UVRAG: variants seen among roughly 807,000 people sequenced by gnomAD.
UVRAG encodes the protein UV radiation resistance-associated gene protein.
Under a neutral mutation model 78.0 loss-of-function variants are expected in UVRAG, and 19 were observed. The observed-to-expected ratio is 0.24, with a 90% confidence interval of 0.17 to 0.36. The LOEUF (loss-of-function observed/expected upper bound fraction) is 0.36. Ranked by LOEUF, UVRAG falls within the 10% of genes least tolerant of loss-of-function variation. The pLI, the probability that UVRAG is intolerant of heterozygous loss-of-function variation, is 1.00. For missense variants in UVRAG, 740 were observed against 853.8 expected (o/e 0.87, Z 1.66); for synonymous variants, 323 against 324.6 (o/e 1.00, Z 0.05).
chr11:76,077,539 A>C (rs1226750638), intron 13 of UVRAG, among the ~76,000 whole-genome samples: 1 of 152,230 alleles, frequency 6.6e-6, no homozygotes, highest in Non-Finnish European at 1.5e-5. Context: ...AACAATTGTA[A>C]CTTACATATA....
intron 1 of UVRAG, among the ~76,000 whole-genome samples, chr11:75,837,072 G>A (rs1945793551): frequency 6.6e-6 from 1 of 152,130 alleles, no homozygotes; most frequent in African/African-American, 2.4e-5. Flanking sequence ...GCTCACGCCT[G>A]TAATCCCAGC....
At chr11:76,028,319 C>A (rs1288696662) in intron 12 of UVRAG, among the ~76,000 whole-genome samples, 1 of 152,090 alleles carries the variant, frequency 6.6e-6, no homozygotes, top group African/African-American at 2.4e-5. Context: ...GTCCCTGAGA[C>A]ACAACATTAT....
Position 76,143,989 on chromosome 11 carries a change from C to T in UVRAG, c.*2576C>T, listed in dbSNP as rs552720252. On this transcript the variant is annotated 3_prime_UTR_variant, in exon 15 of 15. Transcript: ENST00000356136. ...TATTTGATTGTGTTTTTTCTCTTCA[C>T]TTCCCCTTAACCACTTTAGAAATTC... Among the ~76,000 whole-genome samples the T allele has an allele frequency of 6.6e-6, 1 of 152,330 alleles. No individual in the cohort carries two copies. The highest frequency in any genetic ancestry group is 1.9e-4 in the East Asian group (1 of 5,194).
chr11:75,931,475 A>G (rs1948239390), intron 6 of UVRAG, among the ~76,000 whole-genome samples: 1 of 152,180 alleles, frequency 6.6e-6, no homozygotes, highest in African/African-American at 2.4e-5. Flanking sequence ...TTTGTTCCCC[A>G]AACAAACTTA....
chr11:76,033,155 A>G (rs188764876), intron 12 of UVRAG, among the ~76,000 whole-genome samples: 2 of 152,304 alleles, frequency 1.3e-5, no homozygotes, highest in African/African-American at 4.8e-5. Flanking sequence ...TAGGAAAGGA[A>G]AAATCATGGC....
intron 3 of UVRAG, among the ~76,000 whole-genome samples, chr11:75,869,475 G>A (rs764619677): frequency 3.4e-4 from 51 of 152,174 alleles, no homozygotes; most frequent in Admixed American, 9.8e-4. Context: ...GTGTGTGTGT[G>A]TAGCTTATGT....
chr11:76,057,630 A>G (rs1488395810), intron 12 of UVRAG, among the ~76,000 whole-genome samples: 1 of 152,266 alleles, frequency 6.6e-6, no homozygotes, highest in East Asian at 1.9e-4. Flanking sequence ...TCACGTGCCT[A>G]TGGCCTGCCT....
chr11:76,064,038 C>G (rs1306787719), intron 12 of UVRAG, among the ~76,000 whole-genome samples: 1 of 152,120 alleles, frequency 6.6e-6, no homozygotes, highest in African/African-American at 2.4e-5. Flanking sequence ...ATTGCCTTAT[C>G]CGAACCATAC....
intron 7 of UVRAG, among the ~76,000 whole-genome samples, chr11:75,963,740 A>C (rs766060060): frequency 5.3e-5 from 8 of 151,970 alleles, no homozygotes; most frequent in Non-Finnish European, 8.8e-5. Flanking sequence ...ACATTACATC[A>C]ATGCCTAATG....
intron 6 of UVRAG, among the ~76,000 whole-genome samples, chr11:75,955,160 G>A (rs971245273): frequency 6.6e-6 from 1 of 152,138 alleles, no homozygotes; most frequent in Admixed American, 6.6e-5. Context: ...CTTTAGAGCT[G>A]TCTTTTTAAG....
At chr11:75,960,640 GCCTGTAGT>G (rs1057070542) in intron 6 of UVRAG, among the ~76,000 whole-genome samples, 20 of 152,182 alleles carry the variant, frequency 1.3e-4, no homozygotes, top group African/African-American at 4.6e-4. Flanking sequence ...GGTGGTGCAT[GCCTGTAGT>G]CCCAGCTATT....
chr11:75,888,787 C>T (rs775270281), intron 4 of UVRAG, 42 bp from the exon 5 acceptor site: 27 of 1,522,644 alleles, frequency 1.8e-5, no homozygotes, highest in Admixed American at 1.8e-5. Context: ...AAAACATGAT[C>T]GGAATAAAAA....
chr11:75,869,170 C>G (rs1946596314), intron 3 of UVRAG, among the ~76,000 whole-genome samples: 1 of 152,202 alleles, frequency 6.6e-6, no homozygotes, highest in African/African-American at 2.4e-5. Context: ...TGCAGCCTCC[C>G]TTATATCCCA....
chr11:75,990,854 A>T (rs139243310), intron 8 of UVRAG, among the ~76,000 whole-genome samples: 1 of 152,210 alleles, frequency 6.6e-6, no homozygotes, highest in Non-Finnish European at 1.5e-5. Context: ...TTAAATACTC[A>T]TATCTTTTAG....
chr11:75,825,066 T>A (rs919398499), intron 1 of UVRAG, among the ~76,000 whole-genome samples: 48 of 152,020 alleles, frequency 3.2e-4, no homozygotes, highest in African/African-American at 1.1e-3. Context: ...GGTTGAAACA[T>A]TTTAGGTTTA....
At chr11:75,960,864 C>T (rs1948895995) in intron 6 of UVRAG, among the ~76,000 whole-genome samples, 1 of 152,112 alleles carries the variant, frequency 6.6e-6, no homozygotes, top group South Asian at 2.1e-4. Flanking sequence ...TTTCATTGTT[C>T]CTTGAAAGAG....
chr11:75,982,454 G>GT (rs113395040), intron 7 of UVRAG, among the ~76,000 whole-genome samples: 19,239 of 152,168 alleles, frequency 0.13, 3,109 homozygotes, highest in African/African-American at 0.38. Context: ...GCACTGGGTA[G>GT]AGTGAAAGTG....
intron 14 of UVRAG, among the ~76,000 whole-genome samples, chr11:76,134,249 C>T (rs967023357): frequency 3.3e-5 from 5 of 151,304 alleles, no homozygotes; most frequent in African/African-American, 9.7e-5. Flanking sequence ...GCATGAGCCA[C>T]CACACCTGGC....
intron 6 of UVRAG, among the ~76,000 whole-genome samples, chr11:75,928,654 G>A (rs1327999453): frequency 6.6e-6 from 1 of 151,752 alleles, no homozygotes; most frequent in South Asian, 2.1e-4. Flanking sequence ...AGAATCGAAA[G>A]CTGGGCCGGG....
Sources: gnomAD v4.1 joint callset for allele counts (sites outside exome capture counted in the v4.1 genomes callset) on GRCh38, gnomAD v4.1.1 for gene constraint, MANE v1.5 for transcripts, NCBI Gene and HGNC (gene_info 2026-07-23, HGNC 2026-07-21) for gene names.